EIF3H: variants seen among roughly 807,000 people sequenced by gnomAD.
EIF3H encodes the protein eIF-3-gamma.
A neutral mutation model predicts 44.2 loss-of-function variants in EIF3H; 26 were observed. That is an observed-to-expected ratio of 0.59 (90% CI 0.43 to 0.82). The LOEUF is 0.82. Ranked by LOEUF, EIF3H falls within the 40% of genes least tolerant of loss-of-function variation. The pLI is 0.00. For synonymous variants in EIF3H, 166 were observed against 151.9 expected (o/e 1.09, Z -0.68); for missense variants, 359 against 432.8 (o/e 0.83, Z 1.51).
chr8:116,705,311 G>A (rs74349640), intron 2 of EIF3H, among the ~76,000 whole-genome samples: 76 of 152,268 alleles, frequency 5.0e-4, no homozygotes, highest in African/African-American at 1.8e-3. Flanking sequence ...AGCTGTTCAA[G>A]TTGTTTTATC....
chr8:116,699,716 A>T (rs1482513738), intron 2 of EIF3H, among the ~76,000 whole-genome samples: 1 of 152,206 alleles, frequency 6.6e-6, no homozygotes, highest in Non-Finnish European at 1.5e-5. Flanking sequence ...TATAAAAATA[A>T]ATACATATAA....
intron 2 of EIF3H, among the ~76,000 whole-genome samples, chr8:116,682,266 G>T (rs1308444105): frequency 2.0e-5 from 3 of 152,288 alleles, no homozygotes; most frequent in African/African-American, 7.2e-5. Context: ...CTTGGCAATC[G>T]GGGCAATACA....
chr8:116,692,358 A>G (rs1814193579), intron 2 of EIF3H, among the ~76,000 whole-genome samples: 1 of 152,124 alleles, frequency 6.6e-6, no homozygotes, highest in African/African-American at 2.4e-5. Flanking sequence ...CATTTAAAAG[A>G]TTATATATTT....
intron 2 of EIF3H, among the ~76,000 whole-genome samples, chr8:116,696,333 C>T (rs1363493487): frequency 6.6e-6 from 1 of 152,178 alleles, no homozygotes; most frequent in African/African-American, 2.4e-5. Context: ...TAAATAATGA[C>T]AGTAACTTGT....
At chr8:116,759,254 G>A (rs1179972820), upstream of EIF3H, among the ~76,000 whole-genome samples, 2 of 152,194 alleles carry the variant, frequency 1.3e-5, no homozygotes, top group South Asian at 4.1e-4. Flanking sequence ...TTCTAATTTA[G>A]TTACAGGCAA....
At chr8:116,681,468 A>G (rs2130844145) in intron 2 of EIF3H, among the ~76,000 whole-genome samples, 1 of 152,206 alleles carries the variant, frequency 6.6e-6, no homozygotes, top group South Asian at 2.1e-4. Flanking sequence ...GGAGTTCAAG[A>G]CCAGCCTGAC....
At chr8:116,736,331 T>A (rs929444275) in intron 1 of EIF3H, among the ~76,000 whole-genome samples, 8 of 152,168 alleles carry the variant, frequency 5.3e-5, no homozygotes, top group African/African-American at 1.9e-4. Context: ...TAAACAATTG[T>A]TTATAGTTAC....
intron 1 of EIF3H, among the ~76,000 whole-genome samples, chr8:116,740,099 T>C (rs1403750191): frequency 6.6e-6 from 1 of 152,238 alleles, no homozygotes; most frequent in African/African-American, 2.4e-5. Context: ...GTTTATACTG[T>C]GCAGACCAGT....
intron 2 of EIF3H, among the ~76,000 whole-genome samples, chr8:116,705,158 C>A (rs1814445947): frequency 6.6e-6 from 1 of 152,096 alleles, no homozygotes; most frequent in Non-Finnish European, 1.5e-5. Flanking sequence ...TTTAGATAAT[C>A]AACAGTATGA....
intron 2 of EIF3H, among the ~76,000 whole-genome samples, chr8:116,662,480 ATAAG>A (rs2130800952): frequency 6.6e-6 from 1 of 152,294 alleles, no homozygotes; most frequent in Non-Finnish European, 1.5e-5. Context: ...TAAAAAAATA[ATAAG>A]TAATACTGTT....
At chr8:116,694,575 A>G (rs766662781) in intron 2 of EIF3H, among the ~76,000 whole-genome samples, 5 of 152,070 alleles carry the variant, frequency 3.3e-5, no homozygotes, top group Non-Finnish European at 7.4e-5. Flanking sequence ...TTTTACTTTT[A>G]TTTGTTTTAG....
At chr8:116,709,369 C>A (rs1404103967) in intron 2 of EIF3H, among the ~76,000 whole-genome samples, 1 of 152,120 alleles carries the variant, frequency 6.6e-6, no homozygotes, top group Admixed American at 6.5e-5. Context: ...CAGAAACCAT[C>A]GTGGCTTTGT....
chr8:116,753,968 C>T (rs1453608864), intron 1 of EIF3H, among the ~76,000 whole-genome samples: 1 of 152,112 alleles, frequency 6.6e-6, no homozygotes. Context: ...ATAAGTGGTA[C>T]TTATTTTAAC....
chr8:116,729,311 T>C (rs1814913204), intron 1 of EIF3H, among the ~76,000 whole-genome samples: 1 of 152,178 alleles, frequency 6.6e-6, no homozygotes, highest in African/African-American at 2.4e-5. Flanking sequence ...AGAAGCCAGA[T>C]GAAAATAACC....
In EIF3H at chr8:116,643,812, G is replaced by C. The variant is rs543483969; in HGVS notation, c.*1194C>G. 1 of 152,176 alleles carries C rather than the reference G, an allele frequency of 6.6e-6. No individual in the cohort carries two copies. The highest frequency in any genetic ancestry group is 2.1e-4 in the South Asian group (1 of 4,818). 9.4% of individuals were successfully genotyped at this position (152,176 alleles called of 1,614,324 possible). ...CTCCTTTTTTGATAACCCTCCTAGG[G>C]GATCATAATCAAAAATTCTCATAGG... On this transcript the variant is annotated 3_prime_UTR_variant, in exon 8 of 8. Coordinates refer to ENST00000521861, the MANE Select transcript of EIF3H (RefSeq NM_003756.3).
At chr8:116,755,933 T>A, upstream of EIF3H, 1 of 1,538,618 alleles carries the variant, frequency 6.5e-7, no homozygotes, top group Non-Finnish European at 8.7e-7. Flanking sequence ...CCCGCCTCCC[T>A]CCTGTTTTCC....
At chr8:116,734,448 T>C (rs968190401) in intron 1 of EIF3H, 11 of 450,990 alleles carry the variant, frequency 2.4e-5, no homozygotes, top group Non-Finnish European at 4.0e-5. Flanking sequence ...AGTTGTATTT[T>C]AGGGGAAGAA....
intron 2 of EIF3H, among the ~76,000 whole-genome samples, chr8:116,673,781 G>C (rs1317218151): frequency 6.6e-6 from 1 of 152,054 alleles, no homozygotes; most frequent in East Asian, 1.9e-4. Context: ...CTGTAAAGAG[G>C]AATACTTGGG....
chr8:116,757,989 T>C (rs1328201982), upstream of EIF3H, among the ~76,000 whole-genome samples: 2 of 152,232 alleles, frequency 1.3e-5, no homozygotes, highest in South Asian at 4.1e-4. Flanking sequence ...CCCAAAGTGC[T>C]GGGATTATAG....
Sources: gnomAD v4.1 joint callset for allele counts (sites outside exome capture counted in the v4.1 genomes callset) on GRCh38, gnomAD v4.1.1 for gene constraint, MANE v1.5 for transcripts, NCBI Gene and HGNC (gene_info 2026-07-23, HGNC 2026-07-21) for gene names.